Variants in ABCC4 observed in about 807,000 individuals in gnomAD.
ABCC4 encodes the protein ATP binding cassette subfamily C member 4 (PEL blood group), also known as ATP-binding cassette sub-family C member 4.
In ABCC4, 102 loss-of-function variants were observed where a neutral mutation model predicts 168.5. The observed-to-expected ratio is 0.61, with a 90% CI of 0.52 to 0.71. The LOEUF (loss-of-function observed/expected upper bound fraction) is 0.71, where lower values mean the gene tolerates loss of function less well. Among genes scored for constraint, ABCC4 ranks in the 30% least tolerant of loss-of-function variants. ABCC4 has a pLI of 0.00. For synonymous variants in ABCC4, 617 were observed against 590.7 expected, an observed-to-expected ratio of 1.04 and a Z score of -0.65; for missense variants, 1,402 against 1,605.8, an observed-to-expected ratio of 0.87 and a Z score of 2.17.
intron 19 of ABCC4, among the ~76,000 whole-genome samples, chr13:95,158,472 G>A (rs1037037907): frequency 2.0e-5 from 3 of 152,154 alleles, no homozygotes; most frequent in African/African-American, 7.2e-5. Flanking sequence ...CCATCCCAAG[G>A]TGAGCTTACT....
intron 19 of ABCC4, among the ~76,000 whole-genome samples, chr13:95,158,980 G>A (rs1010382498): frequency 6.6e-6 from 1 of 150,970 alleles, no homozygotes; most frequent in African/African-American, 2.4e-5. Context: ...CTACTTGGAA[G>A]GCTGAGGCAG....
At chr13:95,152,852 A>G (rs1471481) in intron 19 of ABCC4, among the ~76,000 whole-genome samples, 13,884 of 152,192 alleles carry the variant, frequency 0.091, 688 homozygotes, top group Middle Eastern at 0.14. Context: ...TAAAACTCCA[A>G]TTATAAATGA....
chr13:95,229,825 T>C (rs1385022893), intron 4 of ABCC4, among the ~76,000 whole-genome samples: 1 of 152,114 alleles, frequency 6.6e-6, no homozygotes, highest in Non-Finnish European at 1.5e-5. Context: ...TGGCTGGGGC[T>C]GAAGATCTTC....
chr13:95,034,366 A>G (rs2032026718), intron 30 of ABCC4, among the ~76,000 whole-genome samples: 1 of 152,180 alleles, frequency 6.6e-6, no homozygotes, highest in Non-Finnish European at 1.5e-5. Context: ...TCTTGGGCAC[A>G]CGGCATGCAC....
At chr13:95,040,536 CCA>C (rs2032312246) in intron 29 of ABCC4, among the ~76,000 whole-genome samples, 1 of 152,134 alleles carries the variant, frequency 6.6e-6, no homozygotes. Flanking sequence ...GCGCCCAGCC[CCA>C]GTTTGTGCTT....
chr13:95,106,191 C>T (rs1036654644), intron 20 of ABCC4, among the ~76,000 whole-genome samples: 8 of 152,184 alleles, frequency 5.3e-5, no homozygotes, highest in Admixed American at 3.3e-4. Flanking sequence ...TAGACTCCGA[C>T]TGCCCTAGAG....
At position 95,186,904 on chromosome 13, in the gene ABCC4, T is replaced by C. The variant is rs774347423; in HGVS notation, c.1354-12A>G. 3.1e-6 allele frequency: 5 copies of C among 1,596,126 alleles called. No homozygotes were observed. The highest frequency in any genetic ancestry group is 1.7e-4 in the Middle Eastern group (1 of 5,986). On this transcript the variant is annotated splice_polypyrimidine_tract_variant and intron_variant, in intron 10 of 30. Coordinates refer to ENST00000645237, the MANE Select transcript of ABCC4 (RefSeq NM_005845.5). ...CTTAACAGTGATGACTGAAACAGAT[T>C]GTAAAAAAGCACATGTTCAGTCAAC...
chr13:95,147,116 A>G (rs2036524330), intron 19 of ABCC4, among the ~76,000 whole-genome samples: 1 of 152,224 alleles, frequency 6.6e-6, no homozygotes. Flanking sequence ...ACTCTGGACT[A>G]GTTGGGTGTC....
chr13:95,250,590 C>T (rs1393054332), intron 1 of ABCC4, among the ~76,000 whole-genome samples: 4 of 152,038 alleles, frequency 2.6e-5, no homozygotes, highest in Non-Finnish European at 5.9e-5. Flanking sequence ...TTCAGCAATA[C>T]AGAGACATTC....
chr13:95,089,087 A>T (rs1038623633), intron 20 of ABCC4, among the ~76,000 whole-genome samples: 1 of 152,166 alleles, frequency 6.6e-6, no homozygotes, highest in Non-Finnish European at 1.5e-5. Context: ...TTGATGCAAA[A>T]GGCAAATTTC....
chr13:95,246,898 T>C, intron 3 of ABCC4, 77 bp downstream of exon 3: 1 of 1,518,606 alleles, frequency 6.6e-7, no homozygotes. Flanking sequence ...CCCCCATCCA[T>C]TACAGCACCA....
At position 95,075,477 on chromosome 13, in the gene ABCC4, C is replaced by G. The variant is rs2033865527; in HGVS notation, c.2761G>C (p.Glu921Gln). 1 of 1,614,104 alleles carries G rather than the reference C, an allele frequency of 6.2e-7. No homozygotes were observed. Among genetic ancestry groups the G allele is most frequent in the Non-Finnish European group, 8.5e-7 (1 of 1,180,008 alleles). Residue 921 changes from glutamate to glutamine, a missense_variant, in exon 22 of 31, where the codon GAG becomes CAG. Physicochemically the swap from Glu to Gln is conservative, Grantham distance 29. Coordinates refer to ENST00000645237, the MANE Select transcript of ABCC4 (RefSeq NM_005845.5). Reference sequence around the variant, plus strand: ...GCATCAAACAGTTCCTGACACCTCTCTTCTGCTTTGTATGCCCGGATGGTC... The same window carrying G: ...GCATCAAACAGTTCCTGACACCTCTGTTCTGCTTTGTATGCCCGGATGGTC... ...LWTIRAYKAE[E>Q]RCQELFDAHQ...
intron 27 of ABCC4, among the ~76,000 whole-genome samples, chr13:95,046,307 G>A (rs577124054): frequency 1.3e-5 from 2 of 152,244 alleles, no homozygotes; most frequent in South Asian, 4.2e-4. Flanking sequence ...TTGATTAAGG[G>A]GCCAACCCAT....
chr13:95,189,181 G>T (rs1339760039), intron 9 of ABCC4, among the ~76,000 whole-genome samples: 4 of 145,896 alleles, frequency 2.7e-5, no homozygotes, highest in South Asian at 2.2e-4. Flanking sequence ...TCGCCCAGGC[G>T]GGAGTGCTGT....
intron 19 of ABCC4, among the ~76,000 whole-genome samples, chr13:95,133,951 C>T (rs1297201712): frequency 2.6e-5 from 4 of 152,176 alleles, no homozygotes; most frequent in East Asian, 1.9e-4. Flanking sequence ...AAGCCAAACA[C>T]GTTCAGGTTA....
At chr13:95,041,147 G>A (rs1327567852) in intron 29 of ABCC4, among the ~76,000 whole-genome samples, 2 of 152,232 alleles carry the variant, frequency 1.3e-5, no homozygotes, top group African/African-American at 2.4e-5. Flanking sequence ...TAATTTGTCT[G>A]TCTTGCTCTA....
At chr13:95,157,748 C>A (rs1370138957) in intron 19 of ABCC4, among the ~76,000 whole-genome samples, 5 of 152,092 alleles carry the variant, frequency 3.3e-5, no homozygotes, top group African/African-American at 1.2e-4. Context: ...TAATATCTGG[C>A]ATGTTGGAGA....
At chr13:95,214,360 G>A (rs9524833) in intron 4 of ABCC4, among the ~76,000 whole-genome samples, 113,299 of 151,912 alleles carry the variant, frequency 0.75, 43,021 homozygotes, top group Non-Finnish European at 0.84. Context: ...AAGAAATAGG[G>A]GAAGAAAAAA....
intron 6 of ABCC4, 84 bp downstream of exon 6, chr13:95,209,350 A>T: frequency 6.9e-7 from 1 of 1,447,496 alleles, no homozygotes; most frequent in Non-Finnish European, 9.5e-7. Context: ...AAAGGCATTT[A>T]GTTTGTTTCT....
Sources: allele counts gnomAD v4.1 joint callset (sites outside exome capture counted in the v4.1 genomes callset), GRCh38; gene constraint gnomAD v4.1.1; transcripts MANE v1.5; gene names NCBI Gene and HGNC (gene_info 2026-07-23, HGNC 2026-07-21).